Variants in MCC observed in about 807,000 individuals in gnomAD.
MCC encodes the protein MCC regulator of Wnt signaling pathway.
MCC carries 90 observed loss-of-function variants against 116.2 expected under a neutral mutation model. The observed-to-expected ratio is 0.77, with a 90% CI of 0.65 to 0.92. The LOEUF (loss-of-function observed/expected upper bound fraction) is 0.92. Ranked by LOEUF, MCC falls within the 40% of genes least tolerant of loss-of-function variation. MCC has a pLI of 0.00. For synonymous variants in MCC, 578 were observed against 510.5 expected (o/e 1.13, Z -1.78); for missense variants, 1,516 against 1,312.2 (o/e 1.16, Z -2.40).
Position 113,488,271 on chromosome 5 carries a change from G to T in MCC, c.144C>A (p.Asp48Glu), listed in dbSNP as rs1259115270. The T allele has an allele frequency of 1.9e-6, 3 of 1,595,052 alleles. No homozygotes were observed. Among genetic ancestry groups the T allele is most frequent in the Admixed American group, 1.7e-5 (1 of 58,754 alleles). Residue 48 changes from aspartate (D) to glutamate (E), a missense_variant, in exon 1 of 19, where the codon GAC becomes GAA. Physicochemically the swap from Asp to Glu is conservative, Grantham distance 45. Coordinates refer to ENST00000408903, the MANE Select transcript of MCC (RefSeq NM_001085377.2). ...TGCTGATGTATCCGTCCCCGTCGCC[G>T]TCGCACGTCTGGAAGAGGCGCCGCA... ...ERMRRLFQTCDGDGDGYISRN... is the reference protein window; with the variant it reads ...ERMRRLFQTCEGDGDGYISRN...
At chr5:113,461,971 T>C (rs1311988704) in intron 1 of MCC, among the ~76,000 whole-genome samples, 1 of 152,218 alleles carries the variant, frequency 6.6e-6, no homozygotes, top group East Asian at 1.9e-4. Flanking sequence ...CATATGAATA[T>C]GTCTTTAGGA....
chr5:113,104,481 GC>G, intron 6 of MCC, 126 bp from the exon 7 acceptor site: 1 of 768,224 alleles, frequency 1.3e-6, no homozygotes, highest in Non-Finnish European at 2.0e-6. Context: ...TTCAACACCA[GC>G]CAGCCTAACC....
intron 11 of MCC, 73 bp from the exon 12 acceptor site, chr5:113,071,307 T>C (rs1754025230): frequency 6.6e-6 from 10 of 1,519,846 alleles, no homozygotes; most frequent in South Asian, 1.2e-5. Context: ...GTCTCATTTA[T>C]ATTCAGGGCA....
intron 1 of MCC, among the ~76,000 whole-genome samples, chr5:113,487,583 C>A (rs1457591467): frequency 6.6e-6 from 1 of 152,150 alleles, no homozygotes; most frequent in African/African-American, 2.4e-5. Context: ...GGAGCCACGC[C>A]GAAGCTCACC....
chr5:113,072,871 G>C (rs928542302), intron 11 of MCC, among the ~76,000 whole-genome samples: 6 of 152,024 alleles, frequency 3.9e-5, no homozygotes, highest in African/African-American at 1.4e-4. Flanking sequence ...ATTTCCTTTT[G>C]CTGTCACATT....
intron 14 of MCC, among the ~76,000 whole-genome samples, chr5:113,058,545 G>C (rs779637182): frequency 1.3e-5 from 2 of 152,182 alleles, no homozygotes; most frequent in African/African-American, 2.4e-5. Flanking sequence ...ATTTGCTCAG[G>C]AGCCTGTGAG....
chr5:113,278,242 C>T (rs1398212263), intron 3 of MCC, among the ~76,000 whole-genome samples: 1 of 152,200 alleles, frequency 6.6e-6, no homozygotes, highest in African/African-American at 2.4e-5. Context: ...GTCTGAGCTT[C>T]TATTCTCTCA....
chr5:113,057,799 A>G (rs187969292), intron 14 of MCC, among the ~76,000 whole-genome samples: 1 of 152,234 alleles, frequency 6.6e-6, no homozygotes, highest in Non-Finnish European at 1.5e-5. Context: ...ACAGACATCT[A>G]ATGTTCCACA....
intron 1 of MCC, among the ~76,000 whole-genome samples, chr5:113,438,418 T>C (rs1178201138): frequency 6.6e-6 from 1 of 151,700 alleles, no homozygotes; most frequent in Non-Finnish European, 1.5e-5. Context: ...GGAAAGTAAC[T>C]TGATCTGTAA....
chr5:113,461,482 T>C (rs1561584806), intron 1 of MCC, among the ~76,000 whole-genome samples: 1 of 151,932 alleles, frequency 6.6e-6, no homozygotes, highest in Admixed American at 6.6e-5. Context: ...CACAACTCTA[T>C]GCTGCCTACC....
intron 1 of MCC, among the ~76,000 whole-genome samples, chr5:113,399,151 C>T (rs1769609827): frequency 6.6e-6 from 1 of 152,156 alleles, no homozygotes; most frequent in African/African-American, 2.4e-5. Context: ...CTTCAAATAG[C>T]TTCAGGCAAT....
At chr5:113,482,077 T>C (rs1772395201) in intron 1 of MCC, among the ~76,000 whole-genome samples, 1 of 152,224 alleles carries the variant, frequency 6.6e-6, no homozygotes, top group South Asian at 2.1e-4. Flanking sequence ...TCATCCTTGT[T>C]ATAGCATGTA....
At chr5:113,247,620 G>A (rs1187320308) in intron 3 of MCC, among the ~76,000 whole-genome samples, 3 of 152,198 alleles carry the variant, frequency 2.0e-5, no homozygotes, top group African/African-American at 7.2e-5. Context: ...AGAAGGGCTG[G>A]AGGCAGGGAA....
chr5:113,197,616 G>T (rs1762475458), intron 3 of MCC, among the ~76,000 whole-genome samples: 1 of 152,122 alleles, frequency 6.6e-6, no homozygotes, highest in South Asian at 2.1e-4. Flanking sequence ...GGTCGTGGGA[G>T]GCCAAAACAA....
intron 12 of MCC, among the ~76,000 whole-genome samples, chr5:113,068,662 A>G (rs1753799849): frequency 6.6e-6 from 1 of 152,232 alleles, no homozygotes; most frequent in Non-Finnish European, 1.5e-5. Flanking sequence ...TCACTTCACT[A>G]TCTTGGACCA....
chr5:113,043,579 T>G lies in MCC; in HGVS notation c.2707A>C (p.Thr903Pro). The part of the protein sequence containing the change: ...PALSLAELRT[T>P]CSENELAAEF... ...GCAGCCAGCTCATTCTCGCTGCACG[T>G]TGTCCTGAGTTCGGCTAGGGACAGA... is the stretch of plus-strand genomic sequence containing the variant. The change falls in exon 17 of 19, where the codon ACG becomes CCG. Residue 903 changes from threonine to proline, a missense_variant. By Grantham distance (38) the Thr-to-Pro change is conservative. Coordinates refer to ENST00000408903, the MANE Select transcript of MCC (RefSeq NM_001085377.2). 3 of 1,614,208 alleles carry G rather than the reference T, an allele frequency of 1.9e-6. No homozygotes were observed. In the African/African-American group the frequency reaches 4.0e-5, roughly 22 times the overall value.
At chr5:113,029,990 C>G (rs1005875584) in intron 17 of MCC, among the ~76,000 whole-genome samples, 1 of 152,202 alleles carries the variant, frequency 6.6e-6, no homozygotes, top group Middle Eastern at 3.2e-3. Context: ...TGGGTGACAG[C>G]TTCTAGTGAC....
At chr5:113,368,501 C>G (rs1768757011) in intron 2 of MCC, among the ~76,000 whole-genome samples, 1 of 152,170 alleles carries the variant, frequency 6.6e-6, no homozygotes, top group Non-Finnish European at 1.5e-5. Context: ...CTTACCTTTT[C>G]TTTCCTATGT....
intron 3 of MCC, among the ~76,000 whole-genome samples, chr5:113,200,559 T>C: frequency 6.6e-6 from 1 of 152,166 alleles, no homozygotes; most frequent in Non-Finnish European, 1.5e-5. Context: ...CATATTGAAC[T>C]TCCCTGTTCC....
Sources: allele counts gnomAD v4.1 joint callset (sites outside exome capture counted in the v4.1 genomes callset), GRCh38; gene constraint gnomAD v4.1.1; transcripts MANE v1.5; gene names NCBI Gene and HGNC (gene_info 2026-07-23, HGNC 2026-07-21).